The following LARGE1 variants were observed in gnomAD, a reference collection of about 807,000 sequenced individuals.
The protein encoded by LARGE1 is xylosyl- and glucuronyltransferase LARGE1.
In LARGE1, 43 loss-of-function variants were observed where a neutral mutation model predicts 87.6. That is an observed-to-expected ratio of 0.49 (90% CI 0.38 to 0.63). LARGE1 has a LOEUF of 0.63. LARGE1 is among the 30% of genes least tolerant of loss of function. The pLI is 0.00. For missense variants in LARGE1, 802 were observed against 1,000.2 expected, an observed-to-expected ratio of 0.80 and a Z score of 2.67; for synonymous variants, 434 against 394.6, an observed-to-expected ratio of 1.10 and a Z score of -1.18.
At chr22:33,586,118 A>T (rs1437396104) in intron 5 of LARGE1, among the ~76,000 whole-genome samples, 1 of 152,192 alleles carries the variant, frequency 6.6e-6, no homozygotes, top group Admixed American at 6.5e-5. Flanking sequence ...TTCCTTCAGG[A>T]TTAAGATGGA....
In LARGE1 at chr22:33,757,296, G is replaced by A. The variant is rs866850993; in HGVS notation, c.106+4075C>T. Among the ~76,000 whole-genome samples, 8 of 152,136 alleles carry A rather than the reference G, an allele frequency of 5.3e-5. No homozygotes were observed. The East Asian group carries it at 7.7e-4, about 15-fold the overall frequency. On this transcript the variant is annotated intron_variant, in intron 2 of 14. Transcript: ENST00000397394. ...GAGCAAATCACAGTAAGCCTAAGCC[G>A]ACTCCCTCTTAGTGTCATAATTCCC... is the stretch of plus-strand genomic sequence containing the variant.
chr22:33,479,718 G>A (rs923624004), intron 6 of LARGE1, among the ~76,000 whole-genome samples: 3 of 151,556 alleles, frequency 2.0e-5, no homozygotes, highest in South Asian at 4.2e-4. Flanking sequence ...CAAAATGAGG[G>A]GCAAGGGATA....
At chr22:33,832,249 G>A (rs2146341143) in intron 1 of LARGE1, among the ~76,000 whole-genome samples, 1 of 152,272 alleles carries the variant, frequency 6.6e-6, no homozygotes, top group Non-Finnish European at 1.5e-5. Flanking sequence ...CCAGAAGACA[G>A]CACACAGCCA....
At chr22:33,691,037 A>G (rs1471214947) in intron 2 of LARGE1, among the ~76,000 whole-genome samples, 1 of 152,182 alleles carries the variant, frequency 6.6e-6, no homozygotes, top group Non-Finnish European at 1.5e-5. Context: ...ACCAGACCCC[A>G]AGTCCTCATC....
At position 33,443,080 on chromosome 22, in the gene LARGE1, C is replaced by T. The variant is rs142469433; in HGVS notation, c.788-10815G>A. ...GTGTTGGGATTACAGACGTGAGCCA[C>T]TGCACCCAGCCATTGATTGCTTTCT... On this transcript the variant is annotated intron_variant, in intron 6 of 14. Transcript: ENST00000397394. Among the ~76,000 whole-genome samples the T allele has an allele frequency of 2.0e-5, 3 of 152,330 alleles. No individual in the cohort carries two copies. The East Asian group carries it at 5.8e-4, about 29-fold the overall frequency.
In LARGE1 at chr22:33,274,568, G is replaced by A. The variant is rs755379117; in HGVS notation, c.2130C>T (p.Pro710=). ...NAYMIHMPHA[P]SFDITKFRSN... ...AACGGAACTTGGTAATGTCGAAGCT[G>A]GGGGCATGAGGCATGTGGATCATGT... The change falls in exon 15 of 15, where the codon CCC becomes CCT. Residue 710 remains proline, a synonymous_variant. Transcript: ENST00000397394. 5.6e-6 allele frequency: 9 copies of A among 1,614,060 alleles called. No individual in the cohort carries two copies. The African/African-American group carries it at 1.2e-4, about 22-fold the overall frequency.
rs527441852 is a variant in LARGE1, at chr22:33,629,614, G to C, written c.409-3288C>G. On this transcript the variant is annotated intron_variant, in intron 3 of 14. Transcript: ENST00000397394. Reference sequence around the variant, plus strand: ...AGAAGTGAACCATGAGTGGGGCAGGGGTTGGAGTGGGAATGGGGAGAGTAG... The same window carrying C: ...AGAAGTGAACCATGAGTGGGGCAGGCGTTGGAGTGGGAATGGGGAGAGTAG... Among the ~76,000 whole-genome samples, 9 of 152,276 alleles carry C rather than the reference G, an allele frequency of 5.9e-5. 1 individual carries two copies. Among genetic ancestry groups the C allele is most frequent in the African/African-American group, 2.2e-4 (9 of 41,536 alleles).
At chr22:33,524,750 TAAAA>T (rs76544936) in intron 6 of LARGE1, among the ~76,000 whole-genome samples, 1 of 94,084 alleles carries the variant, frequency 1.1e-5, no homozygotes. Context: ...TAGGTAAAGC[TAAAA>T]AAAAAAAAAA....
chr22:33,514,237 A>G (rs1016930188), intron 6 of LARGE1, among the ~76,000 whole-genome samples: 29 of 151,906 alleles, frequency 1.9e-4, no homozygotes, highest in Admixed American at 1.3e-4. Context: ...CTGTGTGTGT[A>G]TACATCTCAC....
chr22:33,539,249 A>T (rs2077122915), intron 6 of LARGE1, among the ~76,000 whole-genome samples: 2 of 108,488 alleles, frequency 1.8e-5, no homozygotes, highest in African/African-American at 6.2e-5. Context: ...AAATTTTCTG[A>T]TTAAAAGAAA....
At chr22:33,704,444 G>C (rs978029690) in intron 2 of LARGE1, among the ~76,000 whole-genome samples, 1 of 152,150 alleles carries the variant, frequency 6.6e-6, no homozygotes, top group Non-Finnish European at 1.5e-5. Context: ...CATGCTCACC[G>C]AGTGCTCTCT....
At chr22:33,607,520 T>G (rs1476925247) in intron 4 of LARGE1, among the ~76,000 whole-genome samples, 1 of 139,860 alleles carries the variant, frequency 7.2e-6, no homozygotes, top group African/African-American at 2.7e-5. Flanking sequence ...GGAAGCTGGA[T>G]CTAGAGGATT....
intron 7 of LARGE1, among the ~76,000 whole-genome samples, chr22:33,393,746 A>C (rs2065615476): frequency 6.6e-6 from 1 of 152,258 alleles, no homozygotes; most frequent in African/African-American, 2.4e-5. Context: ...CTCTGCACAG[A>C]GGCAACATGC....
chr22:33,731,836 T>C (rs181670263), intron 2 of LARGE1, among the ~76,000 whole-genome samples: 3 of 152,342 alleles, frequency 2.0e-5, no homozygotes, highest in East Asian at 1.9e-4. Flanking sequence ...ACATTAAATA[T>C]GTACAGCTTT....
chr22:33,286,903 C>G (rs1215700702), intron 12 of LARGE1, among the ~76,000 whole-genome samples: 1 of 152,192 alleles, frequency 6.6e-6, no homozygotes, highest in Non-Finnish European at 1.5e-5. Flanking sequence ...TACATAGAAG[C>G]AAGCTCTCAG....
At chr22:33,918,472 G>T (rs947290560) in intron 1 of LARGE1, among the ~76,000 whole-genome samples, 2 of 152,194 alleles carry the variant, frequency 1.3e-5, no homozygotes, top group African/African-American at 4.8e-5. Context: ...GGACAGGCTC[G>T]ATAAATGTGT....
At chr22:33,512,505 T>C (rs566941294) in intron 6 of LARGE1, among the ~76,000 whole-genome samples, 1 of 152,262 alleles carries the variant, frequency 6.6e-6, no homozygotes, top group East Asian at 1.9e-4. Flanking sequence ...TGCAAGTAAC[T>C]AATCAAATAA....
At chr22:33,149,363 C>G in the LARGE1 span, among the ~76,000 whole-genome samples, 8 of 152,084 alleles carry the variant, frequency 5.3e-5, no homozygotes, top group African/African-American at 1.7e-4. Flanking sequence ...CAGTGTCTTT[C>G]ATGGAGTAAA....
At chr22:33,639,462 A>G (rs1475594067) in intron 3 of LARGE1, among the ~76,000 whole-genome samples, 1 of 152,208 alleles carries the variant, frequency 6.6e-6, no homozygotes, top group Non-Finnish European at 1.5e-5. Context: ...GAGAAGTTGA[A>G]TATTCATAAT....
Sources: allele counts gnomAD v4.1 joint callset (sites outside exome capture counted in the v4.1 genomes callset), GRCh38; gene constraint gnomAD v4.1.1; transcripts MANE v1.5; gene names NCBI Gene and HGNC (gene_info 2026-07-23, HGNC 2026-07-21).